The following PITPNC1 variants were observed in gnomAD, a reference collection of about 807,000 sequenced individuals.
PITPNC1 encodes the protein cytoplasmic phosphatidylinositol transfer protein 1.
In PITPNC1, 18 loss-of-function variants were observed where a neutral mutation model predicts 44.7. That is an observed-to-expected ratio of 0.40 (90% CI 0.28 to 0.60). The LOEUF is 0.60. Ranked by LOEUF, PITPNC1 falls within the 20% of genes least tolerant of loss-of-function variation. PITPNC1 has a pLI of 0.39. For missense variants in PITPNC1, 290 were observed against 418.4 expected (o/e 0.69, Z 2.68); for synonymous variants, 141 against 149.6 (o/e 0.94, Z 0.42).
chr17:67,494,186 T>TC (rs67689051), intron 1 of PITPNC1, among the ~76,000 whole-genome samples: 32 of 8,122 alleles, frequency 3.9e-3, no homozygotes, highest in African/African-American at 0.011. Context: ...TTTCTTTCTT[T>TC]TTCTTTCTTT....
chr17:67,555,136 C>G (rs1040129758), intron 4 of PITPNC1, among the ~76,000 whole-genome samples: 1 of 152,106 alleles, frequency 6.6e-6, no homozygotes, highest in Non-Finnish European at 1.5e-5. Context: ...GCAGGGGAAC[C>G]TTTGCTCTAG....
At chr17:67,637,855 T>C (rs1033005732) in intron 6 of PITPNC1, 1 of 120,556 alleles carries the variant, frequency 8.3e-6, no homozygotes, top group Admixed American at 1.0e-4. Flanking sequence ...TGCAGGGCAG[T>C]GCCGTATTGT....
At chr17:67,426,454 T>C (rs1040060575) in intron 1 of PITPNC1, among the ~76,000 whole-genome samples, 4 of 152,194 alleles carry the variant, frequency 2.6e-5, no homozygotes, top group South Asian at 2.1e-4. Flanking sequence ...TCATGTCCTT[T>C]GCAGGAACAT....
At chr17:67,418,311 A>C (rs1439955777) in intron 1 of PITPNC1, among the ~76,000 whole-genome samples, 1 of 152,168 alleles carries the variant, frequency 6.6e-6, no homozygotes, top group East Asian at 1.9e-4. Flanking sequence ...CAGTCATGGG[A>C]GAAGACAGTT....
chr17:67,415,312 C>T (rs2143853326), intron 1 of PITPNC1, among the ~76,000 whole-genome samples: 1 of 152,354 alleles, frequency 6.6e-6, no homozygotes, highest in Non-Finnish European at 1.5e-5. Context: ...TGCCATACTT[C>T]ATTTCTCTTC....
At chr17:67,439,374 A>G (rs775009413) in intron 1 of PITPNC1, among the ~76,000 whole-genome samples, 13 of 152,054 alleles carry the variant, frequency 8.5e-5, no homozygotes, top group Admixed American at 5.9e-4. Flanking sequence ...ATTTGCAGAA[A>G]CAAAAGGTTA....
intron 7 of PITPNC1, among the ~76,000 whole-genome samples, chr17:67,673,630 T>G (rs527728202): frequency 1.3e-5 from 2 of 152,266 alleles, no homozygotes; most frequent in Admixed American, 6.5e-5. Context: ...TTACTTATCT[T>G]GTATCTCACA....
chr17:67,549,704 T>G (rs558320998), intron 2 of PITPNC1, among the ~76,000 whole-genome samples: 8 of 152,280 alleles, frequency 5.3e-5, no homozygotes, highest in African/African-American at 1.7e-4. Flanking sequence ...GGCCCCGGAC[T>G]ACTACTATGC....
At chr17:67,689,598 T>C (rs1054439239) in intron 8 of PITPNC1, among the ~76,000 whole-genome samples, 6 of 152,170 alleles carry the variant, frequency 3.9e-5, no homozygotes, top group Non-Finnish European at 5.9e-5. Context: ...ACAAATTAGA[T>C]TGAAATTAGG....
intron 2 of PITPNC1, among the ~76,000 whole-genome samples, chr17:67,548,489 G>T (rs116686800): frequency 0.01 from 1,561 of 152,298 alleles, 21 homozygotes; most frequent in African/African-American, 0.036. Flanking sequence ...TACATGGTAG[G>T]CTGAGGCTGG....
intron 1 of PITPNC1, among the ~76,000 whole-genome samples, chr17:67,387,808 G>A (rs919045447): frequency 2.0e-5 from 3 of 151,712 alleles, no homozygotes; most frequent in Non-Finnish European, 4.4e-5. Flanking sequence ...GTTGTCTATC[G>A]CCATCATTAT....
intron 5 of PITPNC1, among the ~76,000 whole-genome samples, chr17:67,603,441 C>T (rs992390361): frequency 2.0e-5 from 3 of 152,180 alleles, no homozygotes; most frequent in Non-Finnish European, 2.9e-5. Context: ...TAGATAGCCA[C>T]AGTCTCATGA....
At chr17:67,394,898 G>GA (rs112104394) in intron 1 of PITPNC1, among the ~76,000 whole-genome samples, 90 of 141,032 alleles carry the variant, frequency 6.4e-4, no homozygotes, top group African/African-American at 1.1e-3. Flanking sequence ...CCGTCTCGAG[G>GA]AAAAAAAAAA....
At chr17:67,396,823 T>TA (rs200875019) in intron 1 of PITPNC1, among the ~76,000 whole-genome samples, 22 of 149,098 alleles carry the variant, frequency 1.5e-4, no homozygotes, top group South Asian at 4.2e-4. Flanking sequence ...CTGGGCTAAT[T>TA]AAAAAAAAAA....
chr17:67,616,866 G>A (rs1040441482), intron 5 of PITPNC1, among the ~76,000 whole-genome samples: 3 of 152,012 alleles, frequency 2.0e-5, no homozygotes, highest in Non-Finnish European at 2.9e-5. Context: ...GTTAAACTTC[G>A]CAGATGAGCC....
At chr17:67,493,063 T>C (rs541945026) in intron 1 of PITPNC1, among the ~76,000 whole-genome samples, 10 of 152,218 alleles carry the variant, frequency 6.6e-5, no homozygotes, top group Non-Finnish European at 1.5e-4. Context: ...TCAGTAGCTA[T>C]TGCCAGTTTT....
Position 67,378,119 on chromosome 17 carries a change from C to A in PITPNC1, c.-36C>A. ...CCTTGCTGGTCTTGGGGGCGCCCCC[C>A]GCTTCCCGCCCCGGGGGTCCGCGGC... On this transcript the variant is annotated 5_prime_UTR_variant, in exon 1 of 9. Coordinates refer to ENST00000581322, the MANE Select transcript of PITPNC1 (RefSeq NM_012417.4). 2 of 1,495,788 alleles carry A rather than the reference C, an allele frequency of 1.3e-6. No individual in the cohort carries two copies. The highest frequency in any genetic ancestry group is 2.5e-5 in the South Asian group (2 of 80,242). The allele number at this position is 1,495,788 out of a possible 1,614,324, so 92.7% of individuals were successfully genotyped here.
chr17:67,606,719 C>T (rs2041613175), intron 5 of PITPNC1, among the ~76,000 whole-genome samples: 1 of 151,484 alleles, frequency 6.6e-6, no homozygotes, highest in African/African-American at 2.4e-5. Flanking sequence ...GAAAGATTAG[C>T]ATCACAAGTA....
chr17:67,452,903 A>G lies in PITPNC1; in HGVS notation c.48+74701A>G, dbSNP rs75758551. On this transcript the variant is annotated intron_variant, in intron 1 of 8. Coordinates refer to ENST00000581322, the MANE Select transcript of PITPNC1 (RefSeq NM_012417.4). ...AACATATGAGCGTTTTGGGTTTGCC[A>G]CATCCTTGTCAGTACTTGGTATTAT... Among the ~76,000 whole-genome samples the G allele has an allele frequency of 8.6e-3, 1,317 of 152,324 alleles. 22 individuals carry two copies. The highest frequency in any genetic ancestry group is 0.03 in the African/African-American group (1,264 of 41,566).
Sources: allele counts gnomAD v4.1 joint callset (sites outside exome capture counted in the v4.1 genomes callset), GRCh38; gene constraint gnomAD v4.1.1; transcripts MANE v1.5; gene names NCBI Gene and HGNC (gene_info 2026-07-23, HGNC 2026-07-21).